CACNA2D4: variants seen among roughly 807,000 people sequenced by gnomAD.
CACNA2D4 encodes the protein voltage-dependent calcium channel subunit alpha-2/delta-4.
CACNA2D4 carries 157 observed loss-of-function variants against 163.8 expected under a neutral mutation model. That is an observed-to-expected ratio of 0.96 (90% CI 0.84 to 1.09). The LOEUF is 1.09. Among genes scored for constraint, CACNA2D4 ranks in the 50% least tolerant of loss-of-function variants. The pLI is 0.00. For missense variants in CACNA2D4, 1,410 were observed against 1,479.9 expected, an observed-to-expected ratio of 0.95 and a Z score of 0.78; for synonymous variants, 598 against 586.9, an observed-to-expected ratio of 1.02 and a Z score of -0.27.
Position 1,853,953 on chromosome 12 carries a change from G to C in CACNA2D4, c.2244C>G (p.Ser748=), listed in dbSNP as rs771296834. The C allele has an allele frequency of 2.5e-6, 4 of 1,612,172 alleles. No individual in the cohort carries two copies. The highest frequency in any genetic ancestry group is 2.7e-5 in the African/African-American group (2 of 74,848). Residue 748 remains serine (S), a splice_region_variant and synonymous_variant, in exon 23 of 38, where the codon TCC becomes TCG. Transcript: ENST00000382722. ...GGAACCTGGGAACCTGGACCTACTC[G>C]GACATGTTGAGGGCCAGCGCTGTCC... ...AYWTALALNM[S]EESEHVVDMA... is the part of the protein sequence containing the mutation.
At chr12:1,909,040 G>A (rs555737162) in intron 4 of CACNA2D4, among the ~76,000 whole-genome samples, 26 of 152,264 alleles carry the variant, frequency 1.7e-4, no homozygotes, top group Admixed American at 5.2e-4. Context: ...TCCCTGCTGA[G>A]AAAGGCTCAG....
intron 26 of CACNA2D4, among the ~76,000 whole-genome samples, chr12:1,814,696 C>G (rs1047271770): frequency 2.0e-5 from 3 of 152,188 alleles, no homozygotes; most frequent in Admixed American, 6.5e-5. Flanking sequence ...CGCTTCCCTC[C>G]ATCTCCACCG....
At chr12:1,916,164 T>C (rs776458472) in intron 1 of CACNA2D4, among the ~76,000 whole-genome samples, 1 of 152,038 alleles carries the variant, frequency 6.6e-6, no homozygotes, top group South Asian at 2.1e-4. Flanking sequence ...GTTGACCTGA[T>C]GGTGTTGTTA....
chr12:1,903,808 T>C (rs1487971489), intron 6 of CACNA2D4, among the ~76,000 whole-genome samples: 2 of 152,088 alleles, frequency 1.3e-5, no homozygotes, highest in East Asian at 1.9e-4. Context: ...GAGAACAGTT[T>C]TGAGGTTCCT....
rs1865720930 is a variant in CACNA2D4 at position 1,869,316 on chromosome 12, C to T, written c.1878+5288G>A. Among the ~76,000 whole-genome samples, 1 of 152,230 alleles carries T rather than the reference C, an allele frequency of 6.6e-6. No homozygotes were observed. Among genetic ancestry groups the T allele is most frequent in the South Asian group, 2.1e-4 (1 of 4,824 alleles). ...TGAAGTCCGCACAGAATACCAGGCT[C>T]TGCCACTCTTTGCTGTAACCTACCG... On this transcript the variant is annotated intron_variant, in intron 18 of 37. Coordinates refer to ENST00000382722, the MANE Select transcript of CACNA2D4 (RefSeq NM_172364.5). The surrounding 1 kb of genome is among the most constrained non-coding windows in gnomAD (Gnocchi z 4.7).
chr12:1,856,687 T>C (rs1167558140), intron 20 of CACNA2D4, among the ~76,000 whole-genome samples: 1 of 152,240 alleles, frequency 6.6e-6, no homozygotes, highest in African/African-American at 2.4e-5. Flanking sequence ...TTTGGCTTCA[T>C]TGGCTTCATC....
intron 6 of CACNA2D4, among the ~76,000 whole-genome samples, chr12:1,890,673 G>T (rs1227413557): frequency 6.6e-6 from 1 of 152,160 alleles, no homozygotes; most frequent in African/African-American, 2.4e-5. Context: ...AGGGGCCAAG[G>T]GATCACCCCA....
At chr12:1,810,719 T>A (rs543857087) in intron 27 of CACNA2D4, 132 bp from the exon 28 acceptor site, 3 of 891,852 alleles carry the variant, frequency 3.4e-6, no homozygotes, top group African/African-American at 1.6e-5. Flanking sequence ...TATCTGCACA[T>A]GGAGGGCACC....
At chr12:1,901,366 T>C (rs920131094) in intron 6 of CACNA2D4, among the ~76,000 whole-genome samples, 16 of 151,422 alleles carry the variant, frequency 1.1e-4, no homozygotes, top group Admixed American at 3.9e-4. Context: ...ATAAGTGAAA[T>C]TGAAATGATA....
chr12:1,821,517 C>G (rs1864100017), intron 26 of CACNA2D4, among the ~76,000 whole-genome samples: 1 of 152,214 alleles, frequency 6.6e-6, no homozygotes, highest in Admixed American at 6.5e-5. Flanking sequence ...ACAGGAGAAC[C>G]AGGCCCGCGA....
rs1466535717 is a variant in CACNA2D4 at position 1,844,976 on chromosome 12, T to C, written c.2343-447A>G. On this transcript the variant is annotated intron_variant, in intron 24 of 37. Transcript: ENST00000382722. This position sits in a 1 kb window ranked among gnomAD's most constrained non-coding sequence, Gnocchi z 4.2. ...GCATACATTATGAGTTTCCTTTTTTTGAGCAGCTTTACCTTGCTAATTATG... is the reference window on the plus strand; with the variant it reads ...GCATACATTATGAGTTTCCTTTTTTCGAGCAGCTTTACCTTGCTAATTATG... Among the ~76,000 whole-genome samples, 2 of 151,654 alleles carry C rather than the reference T, an allele frequency of 1.3e-5. No individual in the cohort carries two copies. The highest frequency in any genetic ancestry group is 2.9e-5 in the Non-Finnish European group (2 of 67,994).
chr12:1,842,225 G>T (rs1464479204), intron 25 of CACNA2D4, among the ~76,000 whole-genome samples: 1 of 152,168 alleles, frequency 6.6e-6, no homozygotes, highest in Non-Finnish European at 1.5e-5. Flanking sequence ...AGGGGGCGGG[G>T]CCCAGGGAGA....
chr12:1,823,003 C>G (rs1235863627), intron 26 of CACNA2D4, among the ~76,000 whole-genome samples: 1 of 152,208 alleles, frequency 6.6e-6, no homozygotes, highest in African/African-American at 2.4e-5. Context: ...TCTCTCTGGC[C>G]TTCTGCAGAG....
intron 23 of CACNA2D4, 54 bp downstream of exon 23, chr12:1,853,897 C>G (rs537562689): frequency 2.6e-5 from 38 of 1,437,910 alleles, no homozygotes; most frequent in Middle Eastern, 3.5e-4. Flanking sequence ...CCAACTTAGC[C>G]AAGGGAATTC....
intron 6 of CACNA2D4, among the ~76,000 whole-genome samples, chr12:1,896,838 T>C (rs1399472139): frequency 1.3e-5 from 2 of 152,234 alleles, no homozygotes; most frequent in East Asian, 3.8e-4. Context: ...ATCAAAGGTA[T>C]ACCTGCACTG....
In CACNA2D4 at chr12:1,869,779, A is replaced by G. The variant is rs1394144595; in HGVS notation, c.1878+4825T>C. ...GGCTCTGTTCTTTGACCAAGCCCTAACCATTTCTCCGCTGAGATTCTCCAT... is the reference window on the plus strand; with the variant it reads ...GGCTCTGTTCTTTGACCAAGCCCTAGCCATTTCTCCGCTGAGATTCTCCAT... On this transcript the variant is annotated intron_variant, in intron 18 of 37. Transcript: ENST00000382722. The surrounding 1 kb of genome is among the most constrained non-coding windows in gnomAD (Gnocchi z 4.7). Among the ~76,000 whole-genome samples, 1 of 152,200 alleles carries G rather than the reference A, an allele frequency of 6.6e-6. No individual in the cohort carries two copies. Among genetic ancestry groups the G allele is most frequent in the East Asian group, 1.9e-4 (1 of 5,194 alleles).
At chr12:1,817,883 T>G (rs1272420658) in intron 26 of CACNA2D4, among the ~76,000 whole-genome samples, 2 of 152,050 alleles carry the variant, frequency 1.3e-5, no homozygotes, top group Non-Finnish European at 2.9e-5. Context: ...GTGCCGAGAT[T>G]GCAGCCTCTG....
intron 23 of CACNA2D4, among the ~76,000 whole-genome samples, chr12:1,847,111 A>G (rs1165646752): frequency 1.3e-5 from 2 of 152,144 alleles, no homozygotes; most frequent in Non-Finnish European, 2.9e-5. Flanking sequence ...TTCCCTTCTT[A>G]CCGAAACGTG....
At chr12:1,845,665 T>C (rs987953478) in intron 24 of CACNA2D4, among the ~76,000 whole-genome samples, 1 of 152,036 alleles carries the variant, frequency 6.6e-6, no homozygotes, top group Non-Finnish European at 1.5e-5. Context: ...AAGCGGCAGG[T>C]GGCACCGCTC....
Sources: gnomAD v4.1 joint callset for allele counts (sites outside exome capture counted in the v4.1 genomes callset) on GRCh38, gnomAD v4.1.1 for gene constraint, Gnocchi (gnomAD v3.1) non-coding constraint, MANE v1.5 for transcripts, NCBI Gene and HGNC (gene_info 2026-07-23, HGNC 2026-07-21) for gene names.